Variants in SLC25A26 observed in about 807,000 individuals in gnomAD.
The protein encoded by SLC25A26 is mitochondrial S-adenosylmethionine carrier protein.
SLC25A26 carries 36 observed loss-of-function variants against 37.8 expected under a neutral mutation model. The observed-to-expected ratio is 0.95, with a 90% CI of 0.73 to 1.26. The LOEUF is 1.26. Ranked by LOEUF, SLC25A26 falls within the 50% of genes most tolerant of loss-of-function variation. The pLI is 0.00. For missense variants in SLC25A26, 390 were observed against 331.1 expected, an observed-to-expected ratio of 1.18 and a Z score of -1.38; for synonymous variants, 129 against 122.5, an observed-to-expected ratio of 1.05 and a Z score of -0.35.
intron 9 of SLC25A26, among the ~76,000 whole-genome samples, chr3:66,375,907 A>C (rs957682634): frequency 6.6e-6 from 1 of 151,824 alleles, no homozygotes; most frequent in African/African-American, 2.4e-5. Context: ...GGCAAAGTAA[A>C]TTGGAAGCCT....
chr3:66,366,241 A>G (rs1343013368), intron 7 of SLC25A26, among the ~76,000 whole-genome samples: 2 of 152,208 alleles, frequency 1.3e-5, no homozygotes, highest in South Asian at 2.1e-4. Flanking sequence ...TTCCTGTCTC[A>G]TATGTTAGAC....
At chr3:66,256,617 T>G (rs2073313400) in intron 3 of SLC25A26, among the ~76,000 whole-genome samples, 1 of 152,174 alleles carries the variant, frequency 6.6e-6, no homozygotes, top group Admixed American at 6.5e-5. Flanking sequence ...AAAATTAGGC[T>G]GGACATGGTG....
intron 1 of SLC25A26, among the ~76,000 whole-genome samples, chr3:66,136,701 G>C (rs1197883134): frequency 1.3e-5 from 2 of 152,132 alleles, no homozygotes; most frequent in Non-Finnish European, 2.9e-5. Context: ...GCTTTGACTG[G>C]GATATTTCTC....
intron 3 of SLC25A26, among the ~76,000 whole-genome samples, chr3:66,257,435 G>A (rs782285822): frequency 6.6e-6 from 1 of 152,114 alleles, no homozygotes; most frequent in Non-Finnish European, 1.5e-5. Flanking sequence ...ACAGTCTAGG[G>A]CCGCAGACCC....
At chr3:66,202,791 G>A (rs1213471509) in intron 1 of SLC25A26, among the ~76,000 whole-genome samples, 1 of 152,130 alleles carries the variant, frequency 6.6e-6, no homozygotes, top group African/African-American at 2.4e-5. Flanking sequence ...AAGTTACACT[G>A]GGTTCACCAC....
At chr3:66,224,744 C>G (rs2071661083) in intron 1 of SLC25A26, among the ~76,000 whole-genome samples, 1 of 152,232 alleles carries the variant, frequency 6.6e-6, no homozygotes. Flanking sequence ...CAAGTCCCTT[C>G]TGCCTATGAG....
chr3:66,268,221 T>C (rs74515684), intron 5 of SLC25A26, among the ~76,000 whole-genome samples: 1,784 of 152,374 alleles, frequency 0.012, 37 homozygotes, highest in African/African-American at 0.041. Flanking sequence ...TGAGTGATGC[T>C]GTTCCTGTGT....
chr3:66,293,325 A>G (rs994482091), intron 5 of SLC25A26: 1 of 152,084 alleles, frequency 6.6e-6, no homozygotes, highest in Non-Finnish European at 1.5e-5. Context: ...TCTTCATGAA[A>G]TCATATACAC....
chr3:66,236,757 G>A (rs960964245), intron 2 of SLC25A26, 57 bp downstream of exon 2: 2 of 1,367,748 alleles, frequency 1.5e-6, no homozygotes, highest in Non-Finnish European at 2.0e-6. Flanking sequence ...TTTTCAGAAT[G>A]GTGTGTGGTC....
chr3:66,158,268 C>T (rs181579893), intron 1 of SLC25A26, among the ~76,000 whole-genome samples: 96 of 152,290 alleles, frequency 6.3e-4, no homozygotes, highest in Non-Finnish European at 2.9e-5. Flanking sequence ...TAAGTTTCAT[C>T]TATGTTGTAG....
chr3:66,229,298 A>G (rs1246434458), intron 1 of SLC25A26, among the ~76,000 whole-genome samples: 1 of 152,216 alleles, frequency 6.6e-6, no homozygotes, highest in Non-Finnish European at 1.5e-5. Flanking sequence ...TCATGTGTCA[A>G]GAAACAAAGG....
intron 5 of SLC25A26, among the ~76,000 whole-genome samples, chr3:66,319,148 G>T (rs2075622192): frequency 6.6e-6 from 1 of 152,162 alleles, no homozygotes; most frequent in Non-Finnish European, 1.5e-5. Flanking sequence ...CTTAAATCAG[G>T]TTAGAGTTTG....
chr3:66,288,141 G>A (rs1047204830), intron 5 of SLC25A26, among the ~76,000 whole-genome samples: 3 of 152,156 alleles, frequency 2.0e-5, no homozygotes, highest in Non-Finnish European at 4.4e-5. Flanking sequence ...CAGTTCATTA[G>A]TAGTTGAACA....
In SLC25A26 at chr3:66,145,329, C is replaced by G. The variant is rs1173572125; in HGVS notation, c.-354+11345C>G. Among the ~76,000 whole-genome samples, 3 of 152,190 alleles carry G rather than the reference C, an allele frequency of 2.0e-5. No homozygotes were observed. The East Asian group carries it at 5.8e-4, about 29-fold the overall frequency. ...AAACACTTTGTTATCCTAGATCACTCTGAATAACTTGGGCCAATAAAGGCA... is the reference window on the plus strand; with the variant it reads ...AAACACTTTGTTATCCTAGATCACTGTGAATAACTTGGGCCAATAAAGGCA... On this transcript the variant is annotated intron_variant, in intron 1 of 10. Transcript: ENST00000676754.
chr3:66,212,309 C>A (rs930905371), intron 1 of SLC25A26, among the ~76,000 whole-genome samples: 6 of 151,752 alleles, frequency 4.0e-5, no homozygotes, highest in African/African-American at 1.5e-4. Context: ...AGAGACAAGG[C>A]CTTGCTTTAT....
chr3:66,251,180 C>G (rs2073069640), intron 3 of SLC25A26, among the ~76,000 whole-genome samples: 1 of 152,092 alleles, frequency 6.6e-6, no homozygotes, highest in Non-Finnish European at 1.5e-5. Context: ...GCTATAGGGC[C>G]TTGCCTGCTA....
chr3:66,270,415 A>G (rs930339102), intron 5 of SLC25A26, among the ~76,000 whole-genome samples: 1 of 152,232 alleles, frequency 6.6e-6, no homozygotes, highest in Admixed American at 6.5e-5. Flanking sequence ...CATTTTATTA[A>G]CTATGACCAA....
chr3:66,223,833 CA>C (rs2071611588), intron 1 of SLC25A26, among the ~76,000 whole-genome samples: 1 of 152,120 alleles, frequency 6.6e-6, no homozygotes, highest in Non-Finnish European at 1.5e-5. Flanking sequence ...TATCCAGAAA[CA>C]AAATCCTCAA....
intron 1 of SLC25A26, among the ~76,000 whole-genome samples, chr3:66,197,269 G>A (rs1274095532): frequency 6.6e-6 from 1 of 152,132 alleles, no homozygotes; most frequent in Admixed American, 6.5e-5. Flanking sequence ...CAGATTCAGG[G>A]TGAAGGTCAG....
Sources: allele counts gnomAD v4.1 joint callset (sites outside exome capture counted in the v4.1 genomes callset), GRCh38; gene constraint gnomAD v4.1.1; transcripts MANE v1.5; gene names NCBI Gene and HGNC (gene_info 2026-07-23, HGNC 2026-07-21).